Variants in CSMD2 observed in about 807,000 individuals in gnomAD.
CSMD2 encodes the protein CUB and Sushi multiple domains 2.
CSMD2 carries 130 observed loss-of-function variants against 398.5 expected under a neutral mutation model. That is an observed-to-expected ratio of 0.33 (90% CI 0.28 to 0.38). The LOEUF is 0.38. Among genes scored for constraint, CSMD2 ranks in the 10% least tolerant of loss-of-function variants. CSMD2 has a pLI of 1.00. For synonymous variants in CSMD2, 1,828 were observed against 1,908.5 expected (o/e 0.96, Z 1.10); for missense variants, 3,829 against 4,764.9 (o/e 0.80, Z 5.78).
chr1:34,081,214 A>T (rs1657062984), intron 2 of CSMD2, among the ~76,000 whole-genome samples: 2 of 152,080 alleles, frequency 1.3e-5, no homozygotes, highest in Non-Finnish European at 2.9e-5. Flanking sequence ...ACAAAGACCC[A>T]AGGGTCCCCA....
chr1:33,683,929 T>A (rs752864062), intron 25 of CSMD2, among the ~76,000 whole-genome samples: 23 of 152,232 alleles, frequency 1.5e-4, no homozygotes, highest in Non-Finnish European at 2.8e-4. Context: ...TAACTTGCTA[T>A]AATTGCTCAG....
intron 16 of CSMD2, among the ~76,000 whole-genome samples, chr1:33,726,216 T>C (rs1646524178): frequency 6.6e-6 from 1 of 152,142 alleles, no homozygotes; most frequent in Non-Finnish European, 1.5e-5. Flanking sequence ...AGAATGCTCG[T>C]CAGATACCAG....
intron 15 of CSMD2, among the ~76,000 whole-genome samples, chr1:33,729,031 C>T (rs1646634519): frequency 6.6e-6 from 1 of 152,192 alleles, no homozygotes; most frequent in African/African-American, 2.4e-5. Flanking sequence ...CCTATTGCTA[C>T]ATCCCATTGT....
At chr1:33,619,635 G>T (rs539051099) in intron 37 of CSMD2, among the ~76,000 whole-genome samples, 1 of 152,068 alleles carries the variant, frequency 6.6e-6, no homozygotes, top group East Asian at 1.9e-4. Context: ...CTGTACCTTT[G>T]TAACCCAAAC....
intron 11 of CSMD2, among the ~76,000 whole-genome samples, chr1:33,788,991 T>C (rs1318749614): frequency 1.3e-5 from 2 of 152,174 alleles, no homozygotes; most frequent in Non-Finnish European, 2.9e-5. Context: ...GAGATCTGTG[T>C]CCTTACTTGC....
chr1:33,698,811 C>A lies in CSMD2; in HGVS notation c.3867G>T (p.Glu1289Asp). The A allele has an allele frequency of 6.2e-7, 1 of 1,614,192 alleles. No individual in the cohort carries two copies. Among genetic ancestry groups the A allele is most frequent in the Middle Eastern group, 1.6e-4 (1 of 6,062 alleles). Residue 1289 changes from glutamate to aspartate, a missense_variant, in exon 24 of 71, where the codon GAG (glutamate) becomes GAT (aspartate). Coordinates refer to ENST00000373381, the MANE Select transcript of CSMD2 (RefSeq NM_001281956.2). The stretch of plus-strand genomic sequence containing the variant: ...GGCGCTCTCCACTCAGACACAGCAG[C>A]TCCTCACTACCCCGCAGGCTGTATC... ...DPGYSLRGSE[E>D]LLCLSGERRT... is the part of the protein sequence containing the mutation.
chr1:34,088,305 C>T lies in CSMD2; in HGVS notation c.404+672G>A, dbSNP rs531062248. 9.8e-5 allele frequency among the ~76,000 whole-genome samples: 15 copies of T among 152,332 alleles called. No homozygotes were observed. The South Asian group carries it at 2.9e-3, about 29-fold the overall frequency. On this transcript the variant is annotated intron_variant, in intron 2 of 70. Coordinates refer to ENST00000373381, the MANE Select transcript of CSMD2 (RefSeq NM_001281956.2). ...AGGCTTGTGACAGACCCTGGCTGGC[C>T]TCCGGGTCACCTAGAGAGTTTTGAC...
Position 33,753,494 on chromosome 1 carries a change from G to C in CSMD2, c.1847-9888C>G, listed in dbSNP as rs534008307. Among the ~76,000 whole-genome samples the C allele has an allele frequency of 7.2e-5, 11 of 152,358 alleles. No individual in the cohort carries two copies. The South Asian group carries it at 2.1e-3, about 29-fold the overall frequency. On this transcript the variant is annotated intron_variant, in intron 13 of 70. Coordinates refer to ENST00000373381, the MANE Select transcript of CSMD2 (RefSeq NM_001281956.2). ...AGCATGCAAGTATGAAGAAGGCTTG[G>C]CAATTTCTCCATAGATTTCAGAGGA... is the stretch of plus-strand genomic sequence containing the variant.
chr1:33,550,153 T>C, intron 56 of CSMD2, 24 bp downstream of exon 56: 1 of 1,603,262 alleles, frequency 6.2e-7, no homozygotes, highest in East Asian at 2.2e-5. Context: ...ACTGGAGCTC[T>C]TTCCTCAATG....
chr1:33,626,852 G>GA (rs1642159409), intron 32 of CSMD2, among the ~76,000 whole-genome samples: 1 of 152,216 alleles, frequency 6.6e-6, no homozygotes, highest in South Asian at 2.1e-4. Context: ...AATAAAGAAG[G>GA]AAAGAGAGGT....
At position 33,675,465 on chromosome 1, in the gene CSMD2, T is replaced by C. The variant is rs1182941048; in HGVS notation, c.4053-12373A>G. ...CAGGCTCTGAAATTGAGGCAATAATTAATAGCTTACCAACCAAAAAAGTCC... is the reference window on the plus strand; with the variant it reads ...CAGGCTCTGAAATTGAGGCAATAATCAATAGCTTACCAACCAAAAAAGTCC... On this transcript the variant is annotated intron_variant, in intron 25 of 70. Coordinates refer to ENST00000373381, the MANE Select transcript of CSMD2 (RefSeq NM_001281956.2). 4.6e-5 allele frequency among the ~76,000 whole-genome samples: 7 copies of C among 152,226 alleles called. No individual in the cohort carries two copies. In the East Asian group the frequency reaches 1.2e-3, roughly 25 times the overall value.
At chr1:34,123,010 A>C (rs1662347574) in intron 1 of CSMD2, among the ~76,000 whole-genome samples, 1 of 152,190 alleles carries the variant, frequency 6.6e-6, no homozygotes, top group Non-Finnish European at 1.5e-5. Context: ...CCCCATATGT[A>C]ATGAGCAGCC....
chr1:33,952,475 T>C (rs1645036230), intron 3 of CSMD2, among the ~76,000 whole-genome samples: 2 of 152,238 alleles, frequency 1.3e-5, no homozygotes, highest in Non-Finnish European at 2.9e-5. Flanking sequence ...TCAACTCAAA[T>C]GTCACCTCCT....
At chr1:34,077,240 A>G (rs1297310560) in intron 2 of CSMD2, among the ~76,000 whole-genome samples, 28 of 148,622 alleles carry the variant, frequency 1.9e-4, no homozygotes, top group Non-Finnish European at 7.5e-5. Context: ...GGTGGATCAC[A>G]AGGTCAGGAG....
chr1:33,631,246 G>A (rs1253676483), intron 32 of CSMD2, among the ~76,000 whole-genome samples: 1 of 152,090 alleles, frequency 6.6e-6, no homozygotes, highest in Non-Finnish European at 1.5e-5. Context: ...CATCACCATA[G>A]TACATTATAT....
At chr1:33,581,818 A>C (rs1205405203) in intron 47 of CSMD2, among the ~76,000 whole-genome samples, 1 of 152,178 alleles carries the variant, frequency 6.6e-6, no homozygotes, top group Admixed American at 6.5e-5. Context: ...ATCACTCTGG[A>C]AAAGGCCCTG....
In CSMD2 at chr1:33,724,714, A is replaced by G. The variant is rs773162976; in HGVS notation, c.2696-10T>C. The stretch of plus-strand genomic sequence containing the variant: ...GACTGCAGTGTTATAGCTGAAAGAG[A>G]GAGGCCACAGCTGGGACAGACAGCT... On this transcript the variant is annotated splice_polypyrimidine_tract_variant and intron_variant, in intron 17 of 70. Coordinates refer to ENST00000373381, the MANE Select transcript of CSMD2 (RefSeq NM_001281956.2). 6 of 1,612,684 alleles carry G rather than the reference A, an allele frequency of 3.7e-6. No homozygotes were observed. The African/African-American group carries it at 6.7e-5, about 18-fold the overall frequency.
chr1:33,609,987 T>G (rs1166569887), intron 41 of CSMD2, among the ~76,000 whole-genome samples: 5 of 152,202 alleles, frequency 3.3e-5, no homozygotes, highest in Non-Finnish European at 7.3e-5. Context: ...AAAAGAGGCC[T>G]GAGAGAGCTC....
intron 13 of CSMD2, among the ~76,000 whole-genome samples, chr1:33,762,281 C>G (rs1417934510): frequency 6.6e-6 from 1 of 152,246 alleles, no homozygotes; most frequent in Non-Finnish European, 1.5e-5. Flanking sequence ...ACTCTGTTGG[C>G]CTCCACAGCT....
Sources: gnomAD v4.1 joint callset for allele counts (sites outside exome capture counted in the v4.1 genomes callset) on GRCh38, gnomAD v4.1.1 for gene constraint, MANE v1.5 for transcripts, NCBI Gene and HGNC (gene_info 2026-07-23, HGNC 2026-07-21) for gene names.